The following THSD7B variants were observed in gnomAD, a reference collection of about 807,000 sequenced individuals.
The protein encoded by THSD7B is thrombospondin type 1 domain containing 7B.
In THSD7B, 138 loss-of-function variants were observed where a neutral mutation model predicts 213.6. The observed-to-expected ratio is 0.65, with a 90% CI of 0.56 to 0.74. The LOEUF (loss-of-function observed/expected upper bound fraction) is 0.74, where lower values mean the gene tolerates loss of function less well. Among genes scored for constraint, THSD7B ranks in the 30% least tolerant of loss-of-function variants. The probability of loss-of-function intolerance (pLI) is 0.00; values close to 1 mark genes in which losing one functional copy is unlikely to be tolerated. For synonymous variants in THSD7B, 742 were observed against 687.0 expected (o/e 1.08, Z -1.25); for missense variants, 1,931 against 1,991.5 (o/e 0.97, Z 0.58).
rs551693887 is a variant in THSD7B, at chr2:137,166,223, A to G, written c.1526-4518A>G. Reference sequence around the variant, plus strand: ...TTGGTGCTTGTCAAGTAAAGCTAGGATGCCTTTCAGAGGAATTTAAATTGG... The same window carrying G: ...TTGGTGCTTGTCAAGTAAAGCTAGGGTGCCTTTCAGAGGAATTTAAATTGG... On this transcript the variant is annotated intron_variant, in intron 6 of 27. Coordinates refer to ENST00000409968, the MANE Select transcript of THSD7B (RefSeq NM_001316349.2). Among the ~76,000 whole-genome samples the G allele has an allele frequency of 1.5e-4, 23 of 152,152 alleles. No homozygotes were observed. The East Asian group carries it at 3.9e-3, about 26-fold the overall frequency.
chr2:136,906,293 AT>A (rs1684159387), intron 2 of THSD7B, among the ~76,000 whole-genome samples: 1 of 152,216 alleles, frequency 6.6e-6, no homozygotes, highest in Non-Finnish European at 1.5e-5. Flanking sequence ...AGTTCTGAAT[AT>A]TGGCTAAAAA....
At chr2:137,652,055 A>G (rs1667984257) in intron 21 of THSD7B, among the ~76,000 whole-genome samples, 1 of 152,116 alleles carries the variant, frequency 6.6e-6, no homozygotes, top group Non-Finnish European at 1.5e-5. Flanking sequence ...TTCTATAAAT[A>G]TCTGTTAGAC....
intron 5 of THSD7B, among the ~76,000 whole-genome samples, chr2:137,121,346 G>A (rs1688542566): frequency 6.6e-6 from 1 of 152,114 alleles, no homozygotes; most frequent in Admixed American, 6.6e-5. Context: ...AAAATAAATG[G>A]CTTATGGAAA....
chr2:137,077,385 C>T (rs1687650981), intron 3 of THSD7B, among the ~76,000 whole-genome samples: 1 of 152,234 alleles, frequency 6.6e-6, no homozygotes, highest in East Asian at 1.9e-4. Flanking sequence ...ACTCTAGATC[C>T]CTGAGGAATC....
At chr2:137,203,721 T>C (rs1294401393) in intron 7 of THSD7B, among the ~76,000 whole-genome samples, 1 of 151,920 alleles carries the variant, frequency 6.6e-6, no homozygotes, top group African/African-American at 2.4e-5. Flanking sequence ...TGTTTGTGTA[T>C]GTGTGTGTGT....
intron 12 of THSD7B, among the ~76,000 whole-genome samples, chr2:137,378,956 T>C (rs1264407021): frequency 6.6e-6 from 1 of 152,208 alleles, no homozygotes; most frequent in African/African-American, 2.4e-5. Context: ...TTTTATTTTA[T>C]CCATTTTTTT....
chr2:137,246,627 G>A (rs952714358), intron 10 of THSD7B, among the ~76,000 whole-genome samples: 6 of 152,118 alleles, frequency 3.9e-5, no homozygotes, highest in African/African-American at 1.4e-4. Flanking sequence ...CCTTCTCTGA[G>A]TCTCTCCTTA....
chr2:137,065,397 A>T (rs1480872718), intron 3 of THSD7B, among the ~76,000 whole-genome samples: 4 of 151,900 alleles, frequency 2.6e-5, no homozygotes. Context: ...AGTTTTAATA[A>T]TTTTTGTGGA....
chr2:136,862,179 T>C (rs1450148717), intron 1 of THSD7B, among the ~76,000 whole-genome samples: 1 of 152,198 alleles, frequency 6.6e-6, no homozygotes, highest in African/African-American at 2.4e-5. Flanking sequence ...AAAGTGTGGA[T>C]ACCAGGAGGT....
intron 4 of THSD7B, among the ~76,000 whole-genome samples, chr2:137,100,722 T>C (rs937698971): frequency 3.1e-4 from 47 of 152,090 alleles, no homozygotes; most frequent in Admixed American, 6.5e-5. Flanking sequence ...CTTTATTCCA[T>C]GTTTACCTTT....
At chr2:136,832,711 G>A (rs1682776137) in intron 1 of THSD7B, among the ~76,000 whole-genome samples, 1 of 152,084 alleles carries the variant, frequency 6.6e-6, no homozygotes, top group Non-Finnish European at 1.5e-5. Flanking sequence ...AGAATACAGA[G>A]ATCATTTGTT....
chr2:137,286,499 T>C (rs1232836299), intron 12 of THSD7B, among the ~76,000 whole-genome samples: 3 of 152,194 alleles, frequency 2.0e-5, no homozygotes, highest in Non-Finnish European at 4.4e-5. Flanking sequence ...AACATTGGAC[T>C]TTCATTCTCC....
At chr2:137,175,875 A>G (rs1226559376) in intron 7 of THSD7B, among the ~76,000 whole-genome samples, 1 of 152,214 alleles carries the variant, frequency 6.6e-6, no homozygotes, top group Non-Finnish European at 1.5e-5. Flanking sequence ...CTGTGAGAGT[A>G]ATGTCAGACT....
chr2:137,448,781 A>G (rs930459751), intron 14 of THSD7B, among the ~76,000 whole-genome samples: 12 of 151,006 alleles, frequency 7.9e-5, no homozygotes, highest in African/African-American at 2.2e-4. Flanking sequence ...CCTGGGCGAC[A>G]GAGCGAGACT....
At chr2:137,073,601 G>T (rs374431413) in intron 3 of THSD7B, among the ~76,000 whole-genome samples, 1 of 152,094 alleles carries the variant, frequency 6.6e-6, no homozygotes, top group Non-Finnish European at 1.5e-5. Context: ...CTGCTCTGAT[G>T]TTAGTTATTT....
intron 15 of THSD7B, among the ~76,000 whole-genome samples, chr2:137,453,057 G>A (rs1687683572): frequency 6.6e-6 from 1 of 152,014 alleles, no homozygotes; most frequent in Non-Finnish European, 1.5e-5. Context: ...AAAGAACCCT[G>A]TATAATGATC....
chr2:137,505,594 C>G (rs984737537), intron 15 of THSD7B, among the ~76,000 whole-genome samples: 1 of 152,190 alleles, frequency 6.6e-6, no homozygotes, highest in Non-Finnish European at 1.5e-5. Flanking sequence ...ATTCTGCGAA[C>G]GGAGTCCTGG....
At chr2:137,241,991 C>G (rs532928190) in intron 9 of THSD7B, among the ~76,000 whole-genome samples, 1 of 151,376 alleles carries the variant, frequency 6.6e-6, no homozygotes, top group East Asian at 1.9e-4. Flanking sequence ...ATCAAAGATT[C>G]CTAGTATTTT....
intron 12 of THSD7B, among the ~76,000 whole-genome samples, chr2:137,345,844 A>AT (rs1684864190): frequency 6.6e-6 from 1 of 151,584 alleles, no homozygotes; most frequent in Non-Finnish European, 1.5e-5. Context: ...GATAAGAGAC[A>AT]TTTTTTAAAA....
Sources: gnomAD v4.1 joint callset for allele counts (sites outside exome capture counted in the v4.1 genomes callset) on GRCh38, gnomAD v4.1.1 for gene constraint, MANE v1.5 for transcripts, NCBI Gene and HGNC (gene_info 2026-07-23, HGNC 2026-07-21) for gene names.